FOXN3: variants seen among roughly 807,000 people sequenced by gnomAD.
The protein encoded by FOXN3 is forkhead box protein N3.
In FOXN3, 7 loss-of-function variants were observed where a neutral mutation model predicts 38.4. That is an observed-to-expected ratio of 0.18 (90% CI 0.10 to 0.34). The LOEUF is 0.34. Among genes scored for constraint, FOXN3 ranks in the 10% least tolerant of loss-of-function variants. The probability of loss-of-function intolerance (pLI) is 1.00; values close to 1 mark genes in which losing one functional copy is unlikely to be tolerated. For synonymous variants in FOXN3, 230 were observed against 242.2 expected (o/e 0.95, Z 0.47); for missense variants, 456 against 613.4 (o/e 0.74, Z 2.71).
chr14:89,169,294 A>G (rs1392902789), intron 5 of FOXN3, among the ~76,000 whole-genome samples: 1 of 152,108 alleles, frequency 6.6e-6, no homozygotes, highest in African/African-American at 2.4e-5. Context: ...GCAAAAAATT[A>G]ACTGAACATG....
In FOXN3 at chr14:89,332,272, C is replaced by T. The variant is rs1278535103; in HGVS notation, c.680+18400G>A. On this transcript the variant is annotated intron_variant, in intron 3 of 5. Coordinates refer to ENST00000557258, the MANE Select transcript of FOXN3 (RefSeq NM_005197.4). Reference sequence around the variant, plus strand: ...CTCACTAAGTCAATGATTTTAAATACCATATCCAGCTCTCCAGGGTCAGGA... The same window carrying T: ...CTCACTAAGTCAATGATTTTAAATATCATATCCAGCTCTCCAGGGTCAGGA... Among the ~76,000 whole-genome samples, 6 of 152,290 alleles carry T rather than the reference C, an allele frequency of 3.9e-5. No individual in the cohort carries two copies. The East Asian group carries it at 1.2e-3, about 29-fold the overall frequency.
chr14:89,222,024 G>A (rs1288759954), intron 4 of FOXN3, among the ~76,000 whole-genome samples: 1 of 152,056 alleles, frequency 6.6e-6, no homozygotes, highest in Non-Finnish European at 1.5e-5. Flanking sequence ...GGGTTTCACC[G>A]CGTTAGCCAG....
intron 3 of FOXN3, among the ~76,000 whole-genome samples, chr14:89,287,186 C>T (rs1886654591): frequency 6.6e-6 from 1 of 152,162 alleles, no homozygotes. Flanking sequence ...CAGAGTCTTG[C>T]TCTGTCGTTC....
At chr14:89,340,321 A>C (rs1888580199) in intron 3 of FOXN3, among the ~76,000 whole-genome samples, 1 of 152,214 alleles carries the variant, frequency 6.6e-6, no homozygotes, top group African/African-American at 2.4e-5. Flanking sequence ...AAGTAAACAC[A>C]CAGGAAACAT....
At chr14:89,174,771 T>C (rs1357360337) in intron 5 of FOXN3, among the ~76,000 whole-genome samples, 1 of 152,204 alleles carries the variant, frequency 6.6e-6, no homozygotes, top group African/African-American at 2.4e-5. Flanking sequence ...GCATGCTTTG[T>C]GTAACTGGGA....
rs1212872215 is a variant in FOXN3 at position 89,162,987 on chromosome 14, T to TG, written c.852-19dup. 6.5e-6 allele frequency: 10 copies of TG among 1,530,102 alleles called. No homozygotes were observed. Among genetic ancestry groups the TG allele is most frequent in the Non-Finnish European group, 8.8e-6 (10 of 1,137,620 alleles). 94.8% of individuals were successfully genotyped at this position (1,530,102 alleles called of 1,614,324 possible). On this transcript the variant is annotated intron_variant, in intron 5 of 5. Transcript: ENST00000557258. This position sits in a 1 kb window ranked among gnomAD's most constrained non-coding sequence, Gnocchi z 7.2. Reference sequence around the variant, plus strand: ...TGCCATTCCTGCAGAGCGAGGACAGTGGGGAGGGACGGGAGACAAAGAAGG... The same window carrying TG: ...TGCCATTCCTGCAGAGCGAGGACAGTGGGGGAGGGACGGGAGACAAAGAAGG...
intron 4 of FOXN3, among the ~76,000 whole-genome samples, chr14:89,207,234 T>TAAAGC (rs1888409285): frequency 6.6e-6 from 1 of 151,052 alleles, no homozygotes; most frequent in Non-Finnish European, 1.5e-5. Context: ...CAAAACAAAA[T>TAAAGC]AAAGCAAAAC....
intron 3 of FOXN3, among the ~76,000 whole-genome samples, chr14:89,320,866 C>T (rs2139971967): frequency 6.6e-6 from 1 of 152,246 alleles, no homozygotes; most frequent in African/African-American, 2.4e-5. Flanking sequence ...GCTATAAAAC[C>T]CAACACAAAC....
At chr14:89,208,576 T>C (rs1274410569) in intron 4 of FOXN3, among the ~76,000 whole-genome samples, 1 of 152,222 alleles carries the variant, frequency 6.6e-6, no homozygotes, top group Non-Finnish European at 1.5e-5. Flanking sequence ...AAATGCTGAC[T>C]TATTATACTA....
intron 5 of FOXN3, among the ~76,000 whole-genome samples, chr14:89,165,794 A>G (rs550901903): frequency 6.6e-6 from 1 of 152,378 alleles, no homozygotes; most frequent in Admixed American, 6.5e-5. Context: ...GAACTACTGT[A>G]AAATACAAAA....
In FOXN3 at chr14:89,372,539, A is replaced by G. The variant is rs117029726; in HGVS notation, c.544-21731T>C. 4.7e-3 allele frequency among the ~76,000 whole-genome samples: 717 copies of G among 152,328 alleles called. 7 individuals are homozygous for G. The highest frequency in any genetic ancestry group is 0.014 in the Middle Eastern group (4 of 294). ...AGTTGATATTAACTACATTTATTAT[A>G]ACAGGAATTCATTTATTGTAACAAG... On this transcript the variant is annotated intron_variant, in intron 2 of 5. Coordinates refer to ENST00000557258, the MANE Select transcript of FOXN3 (RefSeq NM_005197.4).
intron 1 of FOXN3, among the ~76,000 whole-genome samples, chr14:89,521,921 G>C (rs1173628738): frequency 2.0e-5 from 3 of 151,912 alleles, no homozygotes; most frequent in Non-Finnish European, 4.4e-5. Context: ...GGAGGCTGGG[G>C]GTAGGGGTGG....
chr14:89,264,028 A>C (rs1242651025), intron 4 of FOXN3: 1 of 152,490 alleles, frequency 6.6e-6, no homozygotes, highest in Non-Finnish European at 1.5e-5. Context: ...ATTGCATTCC[A>C]GCCTGGGCAA....
intron 4 of FOXN3, among the ~76,000 whole-genome samples, chr14:89,259,530 C>T (rs1026599058): frequency 1.3e-5 from 2 of 152,044 alleles, no homozygotes; most frequent in African/African-American, 4.8e-5. Flanking sequence ...TTTATTTTCC[C>T]TTATAATTTC....
chr14:89,603,169 G>A (rs1896193678), intron 1 of FOXN3, among the ~76,000 whole-genome samples: 1 of 152,078 alleles, frequency 6.6e-6, no homozygotes, highest in African/African-American at 2.4e-5. Context: ...ATAAAAACCA[G>A]CCACTCATGA....
At chr14:89,170,200 C>T (rs545530957) in intron 5 of FOXN3, among the ~76,000 whole-genome samples, 93 of 152,266 alleles carry the variant, frequency 6.1e-4, no homozygotes, top group Non-Finnish European at 1.0e-3. Flanking sequence ...CATTAAAATA[C>T]CTTCAAAATA....
chr14:89,302,694 G>C (rs755954462), intron 3 of FOXN3, among the ~76,000 whole-genome samples: 1 of 152,168 alleles, frequency 6.6e-6, no homozygotes, highest in Non-Finnish European at 1.5e-5. Context: ...GAAAGCTCCT[G>C]AAGGATGTGA....
intron 3 of FOXN3, among the ~76,000 whole-genome samples, chr14:89,348,533 A>G (rs1888840506): frequency 6.6e-6 from 1 of 152,172 alleles, no homozygotes; most frequent in African/African-American, 2.4e-5. Context: ...AGAGAAAGTG[A>G]CTTGTTCTCA....
intron 4 of FOXN3, among the ~76,000 whole-genome samples, chr14:89,221,687 C>T (rs190868927): frequency 8.5e-5 from 13 of 152,286 alleles, no homozygotes; most frequent in East Asian, 1.9e-4. Flanking sequence ...CTCAGTGACA[C>T]GGCTGGGAAG....
Sources: allele counts gnomAD v4.1 joint callset (sites outside exome capture counted in the v4.1 genomes callset), GRCh38; gene constraint gnomAD v4.1.1; non-coding constraint Gnocchi (gnomAD v3.1); transcripts MANE v1.5; gene names NCBI Gene and HGNC (gene_info 2026-07-23, HGNC 2026-07-21).